The following AKAP12 variants were observed in gnomAD, a reference collection of about 807,000 sequenced individuals.
AKAP12 encodes the protein A-kinase anchor protein 12.
AKAP12 carries 32 observed loss-of-function variants against 79.9 expected under a neutral mutation model. That is an observed-to-expected ratio of 0.40 (90% confidence interval 0.30 to 0.54). The LOEUF (loss-of-function observed/expected upper bound fraction) is 0.54, where lower values mean the gene tolerates loss of function less well. AKAP12 is among the 20% of genes least tolerant of loss of function. The pLI is 0.48. For missense variants in AKAP12, 2,074 were observed against 2,177.0 expected (o/e 0.95, Z 0.94); for synonymous variants, 808 against 857.0 (o/e 0.94, Z 1.00).
chr6:151,310,609 C>T (rs893529016), intron 3 of AKAP12, among the ~76,000 whole-genome samples: 2 of 152,052 alleles, frequency 1.3e-5, no homozygotes, highest in Admixed American at 6.6e-5. Flanking sequence ...GAAATTTAAA[C>T]GTGAAATTCA....
Position 151,351,156 on chromosome 6 carries a change from T to C in AKAP12, c.2765T>C (p.Leu922Pro). Residue 922 changes from leucine (L) to proline (P), a missense_variant, in exon 4 of 5, where the codon CTT (leucine) becomes CCT (proline). Leu to Pro is a moderately conservative substitution (Grantham distance 98). Around this residue, in one of 3 missense-constraint regions of AKAP12, gnomAD observed 1,428 missense variants for 1,451.0 expected, o/e 0.98. Transcript: ENST00000402676. The surrounding 1 kb of genome is among the most constrained non-coding windows in gnomAD (Gnocchi z 4.4). ...ATATCTGCTTCAGTGACAGAACCTC[T>C]TGAACAAGTAGAAGCTGAAGCCGCA... ...SWISASVTEP[L>P]EQVEAEAALL... 3.1e-6 allele frequency: 5 copies of C among 1,614,166 alleles called. No homozygotes were observed. Among genetic ancestry groups the C allele is most frequent in the Non-Finnish European group, 4.2e-6 (5 of 1,180,044 alleles).
At chr6:151,293,928 T>C (rs1776669793) in intron 2 of AKAP12, among the ~76,000 whole-genome samples, 1 of 151,868 alleles carries the variant, frequency 6.6e-6, no homozygotes, top group African/African-American at 2.4e-5. Context: ...TAAGTTACCT[T>C]AGGGGAAAAA....
intron 3 of AKAP12, among the ~76,000 whole-genome samples, chr6:151,313,565 T>C (rs1039642892): frequency 2.6e-4 from 40 of 152,308 alleles, no homozygotes; most frequent in African/African-American, 7.7e-4. Flanking sequence ...ACTGCCTTCA[T>C]CCTTAAAGAA....
At position 151,350,662 on chromosome 6, in the gene AKAP12, C is replaced by T. The variant is rs1376231728; in HGVS notation, c.2271C>T (p.Ser757=). Residue 757 remains serine, a synonymous_variant, in exon 4 of 5, where the codon TCC becomes TCT. Transcript: ENST00000402676. The surrounding 1 kb of genome is among the most constrained non-coding windows in gnomAD (Gnocchi z 4.8). ...GCCCTACCGAAGGGGAGGGCGTTTC[C>T]ACCTGGGAGTCATTTAAAAGGTTAG... is the stretch of plus-strand genomic sequence containing the variant. The part of the protein sequence containing the change: ...AGSPTEGEGV[S]TWESFKRLVT... The T allele has an allele frequency of 1.2e-6, 2 of 1,613,930 alleles. No homozygotes were observed. The highest frequency in any genetic ancestry group is 1.1e-5 in the South Asian group (1 of 91,080).
At chr6:151,298,509 C>G (rs1272855406) in intron 2 of AKAP12, among the ~76,000 whole-genome samples, 1 of 152,108 alleles carries the variant, frequency 6.6e-6, no homozygotes, top group African/African-American at 2.4e-5. Flanking sequence ...AAAATGAATT[C>G]TTGGCCAGGC....
At chr6:151,284,300 T>G (rs1776459896) in intron 2 of AKAP12, among the ~76,000 whole-genome samples, 1 of 152,156 alleles carries the variant, frequency 6.6e-6, no homozygotes, top group African/African-American at 2.4e-5. Flanking sequence ...ACTTCCACAT[T>G]GCACTCTTTG....
intron 3 of AKAP12, among the ~76,000 whole-genome samples, chr6:151,337,455 C>A (rs553103552): frequency 7.0e-6 from 1 of 143,414 alleles, no homozygotes; most frequent in Admixed American, 7.3e-5. Context: ...GCGGAGGTTG[C>A]AGTGAGCCGA....
chr6:151,241,574 T>C (rs1248558376), intron 2 of AKAP12, among the ~76,000 whole-genome samples: 1 of 152,160 alleles, frequency 6.6e-6, no homozygotes, highest in East Asian at 1.9e-4. Flanking sequence ...GGAATATTTC[T>C]TGTGGGCCAG....
chr6:151,251,293 G>A (rs761580284), intron 2 of AKAP12, among the ~76,000 whole-genome samples: 2 of 152,170 alleles, frequency 1.3e-5, no homozygotes, highest in Non-Finnish European at 2.9e-5. Context: ...CAAAGTTTCA[G>A]AAATACCAGG....
intron 3 of AKAP12, among the ~76,000 whole-genome samples, chr6:151,312,441 G>A (rs550330617): frequency 2.6e-5 from 4 of 151,870 alleles, no homozygotes; most frequent in Non-Finnish European, 5.9e-5. Context: ...TTGCACCACT[G>A]TACCAGCCTG....
rs527822826 is a variant in AKAP12, at chr6:151,340,123, C to T, written c.320-8588C>T. On this transcript the variant is annotated intron_variant, in intron 3 of 4. Coordinates refer to ENST00000402676, the MANE Select transcript of AKAP12 (RefSeq NM_005100.4). ...GTTTGTTTGTTTGTTTTAGTAGAGACGGGGTTTCACCATCTTGGCCAGGCT... is the reference window on the plus strand; with the variant it reads ...GTTTGTTTGTTTGTTTTAGTAGAGATGGGGTTTCACCATCTTGGCCAGGCT... Among the ~76,000 whole-genome samples, 9 of 151,668 alleles carry T rather than the reference C, an allele frequency of 5.9e-5. No homozygotes were observed. The South Asian group carries it at 1.2e-3, about 21-fold the overall frequency.
intron 2 of AKAP12, among the ~76,000 whole-genome samples, chr6:151,263,750 T>C (rs1379283436): frequency 6.6e-6 from 1 of 152,174 alleles, no homozygotes; most frequent in African/African-American, 2.4e-5. Flanking sequence ...GGCTAATTTT[T>C]GTATTTTTAG....
At chr6:151,255,730 C>CA (rs1336601213) in intron 2 of AKAP12, among the ~76,000 whole-genome samples, 1 of 152,104 alleles carries the variant, frequency 6.6e-6, no homozygotes, top group African/African-American at 2.4e-5. Flanking sequence ...GTCTGGGCTA[C>CA]AGTGAGTCGT....
Position 151,353,369 on chromosome 6 carries a change from G to C in AKAP12, c.4978G>C (p.Val1660Leu). The change falls in exon 4 of 5, where the codon GTC becomes CTC. Residue 1660 changes from valine to leucine, a missense_variant. Coordinates refer to ENST00000402676, the MANE Select transcript of AKAP12 (RefSeq NM_005100.4). ...AAATGATCAGCAGCTGGAAGAGGTCGTCCTCCCATCTGAGGAAGAGGGAGG... is the reference window on the plus strand; with the variant it reads ...AAATGATCAGCAGCTGGAAGAGGTCCTCCTCCCATCTGAGGAAGAGGGAGG... ...TVNDQQLEEV[V>L]LPSEEEGGGA... 6.2e-7 allele frequency: 1 copy of C among 1,614,164 alleles called. No individual in the cohort carries two copies. Among genetic ancestry groups the C allele is most frequent in the Non-Finnish European group, 8.5e-7 (1 of 1,180,010 alleles).
At chr6:151,266,858 A>G (rs1215890916) in intron 2 of AKAP12, among the ~76,000 whole-genome samples, 1 of 151,994 alleles carries the variant, frequency 6.6e-6, no homozygotes, top group Non-Finnish European at 1.5e-5. Flanking sequence ...CCACAATAGT[A>G]ATTGTATTTA....
chr6:151,353,190 A>C lies in AKAP12; in HGVS notation c.4799A>C (p.Glu1600Ala). 6.2e-7 allele frequency: 1 copy of C among 1,614,174 alleles called. No individual in the cohort carries two copies. Among genetic ancestry groups the C allele is most frequent in the East Asian group, 2.2e-5 (1 of 44,884 alleles). The stretch of plus-strand genomic sequence containing the variant: ...CAGGAAACGGAGAAAGAAGGAGAGG[A>C]ACCTCAGGCCTCTGCACAGGATGAA... The part of the protein sequence containing the change: ...AGQETEKEGE[E>A]PQASAQDETP... The change falls in exon 4 of 5, where the codon GAA (glutamate) becomes GCA (alanine). Residue 1600 changes from glutamate to alanine, a missense_variant. By Grantham distance (107) the Glu-to-Ala change is moderately radical. Around this residue, in one of 3 missense-constraint regions of AKAP12, gnomAD observed 614 missense variants for 665.6 expected, o/e 0.92. Coordinates refer to ENST00000402676, the MANE Select transcript of AKAP12 (RefSeq NM_005100.4).
intron 2 of AKAP12, among the ~76,000 whole-genome samples, chr6:151,293,119 GCA>G (rs547731570): frequency 1.4e-3 from 208 of 152,328 alleles, no homozygotes; most frequent in African/African-American, 4.9e-3. Flanking sequence ...CCTTTCTGTG[GCA>G]CACAGTGGAT....
intron 2 of AKAP12, among the ~76,000 whole-genome samples, chr6:151,262,384 G>T (rs74880710): frequency 0.018 from 2,703 of 152,274 alleles, 81 homozygotes; most frequent in African/African-American, 0.062. Flanking sequence ...TTTTCACGTA[G>T]TGCGGTGTCA....
chr6:151,335,725 G>C (rs950460324), intron 3 of AKAP12, among the ~76,000 whole-genome samples: 2 of 152,024 alleles, frequency 1.3e-5, no homozygotes, highest in South Asian at 2.1e-4. Flanking sequence ...CTCCTGCCTC[G>C]GCCTCCCAAA....
Sources: gnomAD v4.1 joint callset for allele counts (sites outside exome capture counted in the v4.1 genomes callset) on GRCh38, gnomAD v4.1.1 for gene constraint, gnomAD v4.1.1 regional missense constraint, Gnocchi (gnomAD v3.1) non-coding constraint, MANE v1.5 for transcripts, NCBI Gene and HGNC (gene_info 2026-07-23, HGNC 2026-07-21) for gene names.